TCTN1: variants seen among roughly 807,000 people sequenced by gnomAD.
TCTN1 encodes tectonic-1.
Under a neutral mutation model 65.8 loss-of-function variants are expected in TCTN1, and 58 were observed. That is an observed-to-expected ratio of 0.88 (90% confidence interval 0.71 to 1.10). TCTN1 has a LOEUF of 1.10. Ranked by LOEUF, TCTN1 falls within the 50% of genes least tolerant of loss-of-function variation. TCTN1 has a pLI of 0.00. For synonymous variants in TCTN1, 273 were observed against 289.1 expected, an observed-to-expected ratio of 0.94 and a Z score of 0.57; for missense variants, 645 against 719.4, an observed-to-expected ratio of 0.90 and a Z score of 1.18.
Position 110,636,466 on chromosome 12 carries a change from T to A in TCTN1, c.823-15T>A, listed in dbSNP as rs1363817578. On this transcript the variant is annotated splice_polypyrimidine_tract_variant and intron_variant, in intron 6 of 14. Transcript: ENST00000397659. ...TTGTACTTAACACAATTTTTTGTGGTTTCTTTTTATCTAGGTACCTGATTC... is the reference window on the plus strand; with the variant it reads ...TTGTACTTAACACAATTTTTTGTGGATTCTTTTTATCTAGGTACCTGATTC... The A allele has an allele frequency of 2.2e-6, 3 of 1,369,548 alleles. No individual in the cohort carries two copies. Among genetic ancestry groups the A allele is most frequent in the Non-Finnish European group, 3.1e-6 (3 of 969,124 alleles). 84.8% of individuals were successfully genotyped at this position (1,369,548 alleles called of 1,614,324 possible).
chr12:110,641,707 C>A, intron 10 of TCTN1, 80 bp downstream of exon 10: 1 of 1,398,460 alleles, frequency 7.2e-7, no homozygotes, highest in Non-Finnish European at 1.0e-6. Context: ...ATCGCTGAGG[C>A]TCCCCTGGGC....
intron 12 of TCTN1, 65 bp from the exon 13 acceptor site, chr12:110,647,131 A>G: frequency 1.3e-6 from 2 of 1,592,228 alleles, no homozygotes; most frequent in Non-Finnish European, 1.7e-6. Context: ...ACCTTTTATA[A>G]TTAAAACTCT....
chr12:110,615,707 C>T (rs558698009), intron 1 of TCTN1, among the ~76,000 whole-genome samples: 2 of 152,244 alleles, frequency 1.3e-5, no homozygotes, highest in South Asian at 2.1e-4. Context: ...TGATCTCAAA[C>T]TCCTGGGCTC....
chr12:110,628,002 C>T, intron 3 of TCTN1: 1 of 1,520,224 alleles, frequency 6.6e-7, no homozygotes, highest in Non-Finnish European at 8.8e-7. Context: ...GTCGTAACAC[C>T]AGCCCAGTGA....
chr12:110,629,817 A>C (rs988654152), intron 4 of TCTN1: 1 of 152,214 alleles, frequency 6.6e-6, no homozygotes, highest in Non-Finnish European at 1.5e-5. Context: ...CACTATTCAC[A>C]ATAGCAAAGA....
chr12:110,644,699 A>G lies in TCTN1; in HGVS notation c.1332-268A>G, dbSNP rs2067184301. The G allele has an allele frequency of 6.3e-6, 3 of 473,950 alleles. No homozygotes were observed. Among genetic ancestry groups the G allele is most frequent in the Admixed American group, 6.8e-5 (2 of 29,296 alleles). The allele number at this position is 473,950 out of a possible 1,614,324, so 29.4% of individuals were successfully genotyped here. A position where few individuals can be genotyped will look rare whatever the true frequency, so the allele number is the denominator to read the frequency against. The stretch of plus-strand genomic sequence containing the variant: ...CTCAAAACAAAACAAAAAAACCAAA[A>G]ATCAAAACTTAAAAAACAAAAAACT... On this transcript the variant is annotated intron_variant, in intron 11 of 14. Coordinates refer to ENST00000397659, the MANE Select transcript of TCTN1 (RefSeq NM_001082538.3). The surrounding 1 kb of genome is among the most constrained non-coding windows in gnomAD (Gnocchi z 4.6).
intron 3 of TCTN1, chr12:110,628,340 A>AT: frequency 1.9e-6 from 2 of 1,045,112 alleles, no homozygotes; most frequent in Non-Finnish European, 2.6e-6. Context: ...GGAAAAATAC[A>AT]CTTTTTTTTT....
At chr12:110,628,339 C>G (rs1490512021) in intron 3 of TCTN1, 1 of 1,017,944 alleles carries the variant, frequency 9.8e-7, no homozygotes, top group East Asian at 2.7e-5. Flanking sequence ...TGGAAAAATA[C>G]ACTTTTTTTT....
intron 5 of TCTN1, among the ~76,000 whole-genome samples, chr12:110,632,937 C>T (rs1476137812): frequency 6.6e-6 from 1 of 152,208 alleles, no homozygotes; most frequent in Non-Finnish European, 1.5e-5. Context: ...CATTATTAAG[C>T]ACATATTGTG....
At chr12:110,617,411 C>T (rs546402661) in intron 1 of TCTN1, among the ~76,000 whole-genome samples, 94 of 152,014 alleles carry the variant, frequency 6.2e-4, no homozygotes, top group African/African-American at 2.1e-3. Context: ...GCAACCTCCA[C>T]CTCCCAGGTT....
At chr12:110,628,953 T>C (rs754963752) in intron 4 of TCTN1, 35 bp downstream of exon 4, 5 of 1,611,030 alleles carry the variant, frequency 3.1e-6, no homozygotes, top group Non-Finnish European at 4.2e-6. Flanking sequence ...TTTCATCCCA[T>C]CACAAATATC....
intron 14 of TCTN1, 51 bp from the exon 15 acceptor site, chr12:110,648,992 C>T (rs1281721104): frequency 6.6e-6 from 3 of 452,932 alleles, no homozygotes; most frequent in Non-Finnish European, 1.3e-5. Context: ...AAATAAGAGA[C>T]TTTTCTAGAA....
chr12:110,643,177 A>C (rs1187627425), intron 11 of TCTN1, among the ~76,000 whole-genome samples: 2 of 151,582 alleles, frequency 1.3e-5, no homozygotes, highest in African/African-American at 4.8e-5. Context: ...TGCTGGGATT[A>C]CAGGTGTGAG....
chr12:110,633,495 G>A (rs1365393215), intron 5 of TCTN1, among the ~76,000 whole-genome samples: 1 of 152,030 alleles, frequency 6.6e-6, no homozygotes, highest in Non-Finnish European at 1.5e-5. Context: ...AAATTAGCCA[G>A]ACATAGTGGT....
intron 10 of TCTN1, 161 bp from the exon 11 acceptor site, chr12:110,642,088 A>G (rs1421408040): frequency 1.2e-6 from 1 of 840,732 alleles, no homozygotes; most frequent in Non-Finnish European, 1.9e-6. Flanking sequence ...AGGAAAATAG[A>G]ACTGTTTTTT....
chr12:110,618,518 C>T (rs1022260363), intron 1 of TCTN1, among the ~76,000 whole-genome samples: 5 of 152,040 alleles, frequency 3.3e-5, no homozygotes, highest in African/African-American at 9.7e-5. Context: ...GGATTACAGG[C>T]ATGAACCACC....
intron 2 of TCTN1, 39 bp from the exon 3 acceptor site, chr12:110,626,323 T>C: frequency 6.5e-7 from 1 of 1,543,072 alleles, no homozygotes. Context: ...TGTGTGCTTA[T>C]GTCTTGTAAC....
intron 2 of TCTN1, among the ~76,000 whole-genome samples, chr12:110,620,428 T>G: frequency 6.6e-6 from 1 of 151,146 alleles, no homozygotes. Flanking sequence ...AAAGTAGCTA[T>G]CCCTTATTTG....
intron 2 of TCTN1, among the ~76,000 whole-genome samples, chr12:110,622,945 C>G (rs2065544362): frequency 6.6e-6 from 1 of 152,144 alleles, no homozygotes; most frequent in Non-Finnish European, 1.5e-5. Flanking sequence ...GACAGTGGGG[C>G]TAGGGAGAAG....
Sources: allele counts gnomAD v4.1 joint callset (sites outside exome capture counted in the v4.1 genomes callset), GRCh38; gene constraint gnomAD v4.1.1; non-coding constraint Gnocchi (gnomAD v3.1); transcripts MANE v1.5; gene names NCBI Gene and HGNC (gene_info 2026-07-23, HGNC 2026-07-21).